Variants in ABCA9 observed in about 807,000 individuals in gnomAD.
ABCA9 encodes the protein ATP binding cassette subfamily A member 9, also known as ATP-binding cassette sub-family A member 9.
A neutral mutation model predicts 205.3 loss-of-function variants in ABCA9; 183 were observed. That is an observed-to-expected ratio of 0.89 (90% CI 0.79 to 1.01). The LOEUF (loss-of-function observed/expected upper bound fraction) is 1.01. Ranked by LOEUF, ABCA9 falls within the 50% of genes least tolerant of loss-of-function variation. ABCA9 has a pLI of 0.00. For missense variants in ABCA9, 1,805 were observed against 1,912.4 expected (o/e 0.94, Z 1.05); for synonymous variants, 651 against 683.3 (o/e 0.95, Z 0.74).
intron 17 of ABCA9, chr17:69,022,199 G>T (rs1247822197): frequency 6.6e-6 from 1 of 152,596 alleles, no homozygotes; most frequent in African/African-American, 2.4e-5. Context: ...ATTTTCCAGA[G>T]AATAGAGATT....
At chr17:69,058,148 G>A (rs538528605) in intron 1 of ABCA9, among the ~76,000 whole-genome samples, 1 of 152,278 alleles carries the variant, frequency 6.6e-6, no homozygotes, top group East Asian at 1.9e-4. Flanking sequence ...ATGATTCAAA[G>A]GTAGTAGTTC....
chr17:69,027,991 G>C, intron 12 of ABCA9, among the ~76,000 whole-genome samples, 176 bp from the exon 13 acceptor site: 1 of 152,152 alleles, frequency 6.6e-6, no homozygotes, highest in East Asian at 1.9e-4. Context: ...ATCTGATCTA[G>C]CTGGAATGCT....
chr17:69,027,787 A>T lies in ABCA9; in HGVS notation c.1644T>A (p.Leu548=), dbSNP rs758330067. 5 of 1,612,262 alleles carry T rather than the reference A, an allele frequency of 3.1e-6. No individual in the cohort carries two copies. In the Admixed American group the frequency reaches 8.4e-5, roughly 27 times the overall value. ...TATTTTCTATATCAGCCATTCTTGA[A>T]AGTGTGTGATTATAGACAGTGACTG... The part of the protein sequence containing the change: ...SGSVTVYNHT[L]SRMADIENIS... The change falls in exon 13 of 39, where the codon CTT becomes CTA. Residue 548 remains leucine, a synonymous_variant. Transcript: ENST00000340001.
chr17:69,051,232 G>A, intron 1 of ABCA9, 93 bp from the exon 2 acceptor site: 4 of 1,098,302 alleles, frequency 3.6e-6, no homozygotes, highest in Non-Finnish European at 5.0e-6. Context: ...TGTAACAGCT[G>A]TTTCCAGTTG....
chr17:69,005,984 C>T (rs751275862), intron 25 of ABCA9, among the ~76,000 whole-genome samples: 4 of 152,174 alleles, frequency 2.6e-5, no homozygotes, highest in African/African-American at 9.7e-5. Context: ...TTTCTAATTT[C>T]CTCATTTTAA....
At chr17:69,031,950 G>A (rs1387120024) in intron 10 of ABCA9, among the ~76,000 whole-genome samples, 158 bp downstream of exon 10, 7 of 152,182 alleles carry the variant, frequency 4.6e-5, no homozygotes, top group African/African-American at 1.7e-4. Context: ...AAAATAGAGT[G>A]CTATGAAGGA....
chr17:69,012,778 AATT>A (rs779199201), intron 22 of ABCA9, among the ~76,000 whole-genome samples: 10 of 152,096 alleles, frequency 6.6e-5, no homozygotes, highest in Non-Finnish European at 1.5e-4. Context: ...TATATGATTA[AATT>A]ATTATTGACT....
intron 6 of ABCA9, among the ~76,000 whole-genome samples, chr17:69,036,871 CAAAAAAAAAAA>C (rs781565554): frequency 1.1e-3 from 5 of 4,710 alleles, no homozygotes; most frequent in East Asian, 0.015. Context: ...AAATGGAAAG[CAAAAAAAAAAA>C]AAAAAAAAAA....
rs1312191713 is a variant in ABCA9, at chr17:69,037,790, T to C, written c.801-1989A>G. On this transcript the variant is annotated intron_variant, in intron 6 of 38. Transcript: ENST00000340001. ...CAATGAATCCAGGAGCTGTTTTTTT[T>C]AAAAGATTAACAAAATAGATAGACT... Among the ~76,000 whole-genome samples, 2 of 151,664 alleles carry C rather than the reference T, an allele frequency of 1.3e-5. 1 individual carries two copies. Among genetic ancestry groups the C allele is most frequent in the Admixed American group, 1.3e-4 (2 of 15,210 alleles).
At chr17:69,065,796 T>C (rs2072342922), upstream of ABCA9, among the ~76,000 whole-genome samples, 1 of 152,122 alleles carries the variant, frequency 6.6e-6, no homozygotes, top group Admixed American at 6.5e-5. Context: ...ATAATCCCCA[T>C]GTGTCGTGGG....
rs768793302 is a variant in ABCA9 at position 69,043,488 on chromosome 17, C to T, written c.800+1G>A. 7 of 1,573,162 alleles carry T rather than the reference C, an allele frequency of 4.4e-6. No homozygotes were observed. Among genetic ancestry groups the T allele is most frequent in the Admixed American group, 3.6e-5 (2 of 55,866 alleles). On this transcript the variant is annotated splice_donor_variant, in intron 6 of 38. Transcript: ENST00000340001. LOFTEE classifies it high-confidence loss of function. ...TAATGGATTGGAGTCATATGATTTACCAGAATGCTGACTCTCGGAGTCCCA... is the reference window on the plus strand; with the variant it reads ...TAATGGATTGGAGTCATATGATTTATCAGAATGCTGACTCTCGGAGTCCCA...
intron 36 of ABCA9, 150 bp downstream of exon 36, chr17:68,983,559 G>A: frequency 9.0e-7 from 1 of 1,109,234 alleles, no homozygotes; most frequent in South Asian, 1.7e-5. Context: ...CCTCTTGTGT[G>A]AGCCCTTGGA....
chr17:68,975,765 G>T lies in ABCA9; in HGVS notation c.*150C>A. ...ATCGCCCTCACTGACATCGCCTGTTGTCTCACTGTAAGAAATACTACTGAG... is the reference window on the plus strand; with the variant it reads ...ATCGCCCTCACTGACATCGCCTGTTTTCTCACTGTAAGAAATACTACTGAG... On this transcript the variant is annotated 3_prime_UTR_variant, in exon 39 of 39. Coordinates refer to ENST00000340001, the MANE Select transcript of ABCA9 (RefSeq NM_080283.4). The T allele has an allele frequency of 1.5e-6, 1 of 661,638 alleles. No homozygotes were observed. The highest frequency in any genetic ancestry group is 2.6e-6 in the Non-Finnish European group (1 of 386,214). The allele number at this position is 661,638 out of a possible 1,614,324, so 41.0% of individuals were successfully genotyped here.
At chr17:68,984,323 G>A (rs2069161659) in intron 34 of ABCA9, 148 bp from the exon 35 acceptor site, 14 of 984,828 alleles carry the variant, frequency 1.4e-5, no homozygotes, top group East Asian at 7.5e-5. Context: ...TGACAGGCAC[G>A]GAAACCAAAC....
chr17:69,002,689 G>A (rs1461768763), intron 25 of ABCA9, among the ~76,000 whole-genome samples: 2 of 148,310 alleles, frequency 1.3e-5, no homozygotes, highest in African/African-American at 2.5e-5. Flanking sequence ...TTTCTGTCTC[G>A]TTGATCTGTC....
At chr17:69,020,636 A>G (rs753919771) in intron 18 of ABCA9, 50 bp from the exon 19 acceptor site, 2 of 1,549,818 alleles carry the variant, frequency 1.3e-6, no homozygotes, top group East Asian at 4.5e-5. Flanking sequence ...GTTATGCATT[A>G]TTTAGCTTTT....
intron 29 of ABCA9, 67 bp downstream of exon 29, chr17:68,990,770 T>G: frequency 6.3e-7 from 1 of 1,583,340 alleles, no homozygotes. Context: ...AAAACTAAAC[T>G]TAGAAAGTTT....
In ABCA9 at chr17:69,051,133, CT is replaced by C. The variant is rs772108208; in HGVS notation, c.-8del. On this transcript the variant is annotated 5_prime_UTR_variant, in exon 2 of 39. Transcript: ENST00000340001. ...TCATGCGTCTCTTGCTCATTTTGAC[CT>C]GTTTCCTTTAAAAAGACAGAAAAAA... 4 of 1,612,754 alleles carry C rather than the reference CT, an allele frequency of 2.5e-6. No homozygotes were observed. The East Asian group carries it at 8.9e-5, about 36-fold the overall frequency.
intron 26 of ABCA9, 78 bp from the exon 27 acceptor site, chr17:68,993,162 G>T: frequency 1.6e-6 from 2 of 1,217,506 alleles, no homozygotes; most frequent in Non-Finnish European, 2.4e-6. Flanking sequence ...AAGATAAACT[G>T]ATGCCTATTC....
Sources: allele counts gnomAD v4.1 joint callset (sites outside exome capture counted in the v4.1 genomes callset), GRCh38; gene constraint gnomAD v4.1.1; transcripts MANE v1.5; gene names NCBI Gene and HGNC (gene_info 2026-07-23, HGNC 2026-07-21).